The following IGF2BP1 variants were observed in gnomAD, a reference collection of about 807,000 sequenced individuals.
IGF2BP1 encodes the protein insulin-like growth factor 2 mRNA-binding protein 1.
In IGF2BP1, 11 loss-of-function variants were observed where a neutral mutation model predicts 74.9. The ratio of observed to expected loss-of-function variants is 0.15; its 90% confidence interval spans 0.09 to 0.24. IGF2BP1 has a LOEUF of 0.24. Ranked by LOEUF, IGF2BP1 falls within the 10% of genes least tolerant of loss-of-function variation. The pLI is 1.00. For synonymous variants in IGF2BP1, 287 were observed against 281.8 expected (o/e 1.02, Z -0.18); for missense variants, 440 against 757.4 (o/e 0.58, Z 4.92).
At chr17:49,026,241 T>C (rs982780835) in intron 3 of IGF2BP1, among the ~76,000 whole-genome samples, 18 of 152,130 alleles carry the variant, frequency 1.2e-4, no homozygotes, top group African/African-American at 4.3e-4. Context: ...GCAGCCCAGG[T>C]CTGCTTCCCA....
chr17:49,024,042 G>T lies in IGF2BP1; in HGVS notation c.237-1576G>T, dbSNP rs543430422. Among the ~76,000 whole-genome samples the T allele has an allele frequency of 5.4e-5, 8 of 147,068 alleles. No individual in the cohort carries two copies. In the East Asian group the frequency reaches 1.6e-3, roughly 29 times the overall value. On this transcript the variant is annotated intron_variant, in intron 2 of 14. Transcript: ENST00000290341. ...AGCGATCCTCCTGCCTCAGCCTCCT[G>T]AGTAGCTGGAATTACAGGCACGTGC...
At chr17:49,024,982 AG>A (rs1380409949) in intron 2 of IGF2BP1, among the ~76,000 whole-genome samples, 2 of 152,276 alleles carry the variant, frequency 1.3e-5, no homozygotes, top group East Asian at 3.9e-4. Flanking sequence ...ATCTGAGGTC[AG>A]GAGTTCAAGA....
rs2042218061 is a variant in IGF2BP1, at chr17:49,055,511, C to G, written c.*6067C>G. 1 of 391,830 alleles carries G rather than the reference C, an allele frequency of 2.6e-6. No individual in the cohort carries two copies. 24.3% of individuals were successfully genotyped at this position (391,830 alleles called of 1,614,324 possible). A position where few individuals can be genotyped will look rare whatever the true frequency, so the allele number is the denominator to read the frequency against. On this transcript the variant is annotated 3_prime_UTR_variant, in exon 15 of 15. Coordinates refer to ENST00000290341, the MANE Select transcript of IGF2BP1 (RefSeq NM_006546.4). ...GATGCTTAAATCTTGACTGGCACTTCCCGGCTGTGGGGGCTGGGGAGCCAC... is the reference window on the plus strand; with the variant it reads ...GATGCTTAAATCTTGACTGGCACTTGCCGGCTGTGGGGGCTGGGGAGCCAC...
chr17:49,035,693 G>C (rs2041978624), intron 5 of IGF2BP1, among the ~76,000 whole-genome samples: 1 of 152,206 alleles, frequency 6.6e-6, no homozygotes, highest in South Asian at 2.1e-4. Context: ...GTCTCCCCTG[G>C]GCGGCCGCCC....
At chr17:49,042,426 A>G (rs544703003) in intron 9 of IGF2BP1, 49 bp downstream of exon 9, 14 of 1,610,340 alleles carry the variant, frequency 8.7e-6, no homozygotes, top group Non-Finnish European at 1.1e-5. Flanking sequence ...AGTCTTAGCA[A>G]CAGCAGCTTG....
chr17:49,021,222 T>C (rs2041787725), intron 2 of IGF2BP1, among the ~76,000 whole-genome samples: 1 of 152,050 alleles, frequency 6.6e-6, no homozygotes, highest in Non-Finnish European at 1.5e-5. Flanking sequence ...GTGACACTTC[T>C]CTGAACTCTT....
rs1245743636 is a variant in IGF2BP1, at chr17:49,054,798, G to A, written c.*5354G>A. The A allele has an allele frequency of 6.6e-6, 1 of 152,098 alleles. No homozygotes were observed. The highest frequency in any genetic ancestry group is 1.5e-5 in the Non-Finnish European group (1 of 68,058). 9.4% of individuals were successfully genotyped at this position (152,098 alleles called of 1,614,324 possible). A position where few individuals can be genotyped will look rare whatever the true frequency, so the allele number is the denominator to read the frequency against. ...TCTTTGAGATCCTACACCTCCATTG[G>A]GCCCTTTTTCAGTCTTCAATGGGGG... On this transcript the variant is annotated 3_prime_UTR_variant, in exon 15 of 15. Transcript: ENST00000290341.
chr17:49,018,358 C>T (rs774473986), intron 2 of IGF2BP1, among the ~76,000 whole-genome samples: 2 of 152,202 alleles, frequency 1.3e-5, no homozygotes, highest in Non-Finnish European at 2.9e-5. Context: ...TTGTTGCTCA[C>T]TCTTTTCCAG....
rs2042107417 is a variant in IGF2BP1, at chr17:49,046,310, C to A, written c.1578C>A (p.Asp526Glu). ...CAGCTGAGGTGGTAGTACCAAGAGA[C>A]CAGACCCCTGATGAGAACGACCAGG... ...LTAAEVVVPR[D>E]QTPDENDQVI... is the part of the protein sequence containing the mutation. The change falls in exon 14 of 15, where the codon GAC becomes GAA. Residue 526 changes from aspartate (D) to glutamate (E), a missense_variant. This residue lies in a region of IGF2BP1 where 117 missense variants were observed against 237.2 expected (regional missense o/e 0.49). Coordinates refer to ENST00000290341, the MANE Select transcript of IGF2BP1 (RefSeq NM_006546.4). The A allele has an allele frequency of 1.2e-6, 2 of 1,614,006 alleles. No homozygotes were observed. The highest frequency in any genetic ancestry group is 1.7e-6 in the Non-Finnish European group (2 of 1,180,016).
chr17:49,034,763 A>AC (rs1555600288), intron 5 of IGF2BP1, among the ~76,000 whole-genome samples: 1 of 139,646 alleles, frequency 7.2e-6, no homozygotes, highest in Non-Finnish European at 1.5e-5. Flanking sequence ...AAACAAAAAA[A>AC]ACAAAAAAAA....
intron 2 of IGF2BP1, 66 bp from the exon 3 acceptor site, chr17:49,025,552 C>T (rs1261728465): frequency 7.3e-7 from 1 of 1,369,038 alleles, no homozygotes; most frequent in Admixed American, 1.8e-5. Context: ...GGATTAGAAA[C>T]TGCGAGTTCA....
chr17:49,011,588 T>C (rs2041619941), intron 2 of IGF2BP1, among the ~76,000 whole-genome samples: 1 of 151,928 alleles, frequency 6.6e-6, no homozygotes, highest in African/African-American at 2.4e-5. Flanking sequence ...ACTCTGGAGG[T>C]TGAGGCAGGA....
chr17:49,016,418 CGTGT>C (rs59845226), intron 2 of IGF2BP1, among the ~76,000 whole-genome samples: 13 of 150,948 alleles, frequency 8.6e-5, no homozygotes, highest in Non-Finnish European at 1.3e-4. Flanking sequence ...TGCGTGCGCA[CGTGT>C]GTGTGTGTGT....
At chr17:49,008,428 A>T (rs1043312750) in intron 2 of IGF2BP1, among the ~76,000 whole-genome samples, 2 of 152,202 alleles carry the variant, frequency 1.3e-5, no homozygotes, top group Admixed American at 1.3e-4. Context: ...CCATTTGGTT[A>T]AGATATGCTG....
chr17:49,055,686 T>TC lies in IGF2BP1; in HGVS notation c.*6246dup. ...CTTTTCTCCAGGATCTTGATCCTGGTCCCCAAAACCAGAGTGAATCAAAAG... is the reference window on the plus strand; with the variant it reads ...CTTTTCTCCAGGATCTTGATCCTGGTCCCCCAAAACCAGAGTGAATCAAAAG... On this transcript the variant is annotated 3_prime_UTR_variant, in exon 15 of 15. Transcript: ENST00000290341. 5.0e-6 allele frequency: 2 copies of TC among 398,436 alleles called. No homozygotes were observed. The highest frequency in any genetic ancestry group is 4.4e-6 in the Non-Finnish European group (1 of 226,030). 24.7% of individuals were successfully genotyped at this position (398,436 alleles called of 1,614,324 possible).
rs759615700 is a variant in IGF2BP1 at position 48,997,826 on chromosome 17, C to T, written c.81C>T (p.Ile27=). 4 of 1,614,210 alleles carry T rather than the reference C, an allele frequency of 2.5e-6. No homozygotes were observed. In the South Asian group the frequency reaches 3.3e-5, roughly 13 times the overall value. ...AGAAAGTGTTTGCGGAGCACAAGAT[C>T]TCCTACAGCGGCCAGTTCTTGGTCA... ...DLEKVFAEHK[I]SYSGQFLVKS... is the part of the protein sequence containing the mutation. The change falls in exon 1 of 15, where the codon ATC becomes ATT. Residue 27 remains isoleucine, a synonymous_variant. Transcript: ENST00000290341. This position sits in a 1 kb window ranked among gnomAD's most constrained non-coding sequence, Gnocchi z 4.8.
At chr17:49,013,874 G>C (rs1438773303) in intron 2 of IGF2BP1, 1 of 152,300 alleles carries the variant, frequency 6.6e-6, no homozygotes. Context: ...TTTGGAGCGA[G>C]TCGGGGCGCC....
At chr17:49,031,776 T>G in intron 4 of IGF2BP1, 134 bp from the exon 5 acceptor site, 1 of 777,394 alleles carries the variant, frequency 1.3e-6, no homozygotes, top group Non-Finnish European at 2.2e-6. Flanking sequence ...TGCTAGGATT[T>G]GCAGTTGTGA....
chr17:49,049,310 T>C, intron 14 of IGF2BP1, 42 bp from the exon 15 acceptor site: 1 of 1,574,592 alleles, frequency 6.4e-7, no homozygotes. Context: ...GGCTGTCTCC[T>C]TGGAGGTCTC....
Sources: allele counts gnomAD v4.1 joint callset (sites outside exome capture counted in the v4.1 genomes callset), GRCh38; gene constraint gnomAD v4.1.1; regional missense constraint gnomAD v4.1.1; non-coding constraint Gnocchi (gnomAD v3.1); transcripts MANE v1.5; gene names NCBI Gene and HGNC (gene_info 2026-07-23, HGNC 2026-07-21).